The following CPSF7 variants were observed in gnomAD, a reference collection of about 807,000 sequenced individuals.
The protein encoded by CPSF7 is cleavage and polyadenylation specificity factor subunit 7.
A neutral mutation model predicts 44.3 loss-of-function variants in CPSF7; 1 was observed. The ratio of observed to expected loss-of-function variants is 0.02; its 90% confidence interval spans 0.01 to 0.11. The LOEUF is 0.11. CPSF7 is among the 10% of genes least tolerant of loss of function. The probability of loss-of-function intolerance (pLI) is 1.00; values close to 1 mark genes in which losing one functional copy is unlikely to be tolerated. For missense variants in CPSF7, 443 were observed against 607.2 expected, an observed-to-expected ratio of 0.73 and a Z score of 2.84; for synonymous variants, 202 against 222.0, an observed-to-expected ratio of 0.91 and a Z score of 0.80.
chr11:61,413,059 A>G (rs1859994508), intron 7 of CPSF7, among the ~76,000 whole-genome samples: 1 of 152,122 alleles, frequency 6.6e-6, no homozygotes, highest in Non-Finnish European at 1.5e-5. Context: ...GGCTCAAGCC[A>G]TCCTCCTGCA....
rs748876175 is a variant in CPSF7, at chr11:61,420,535, A to C, written c.312T>G (p.Ser104=). The change falls in exon 4 of 10, where the codon TCT becomes TCG. Residue 104 remains serine (S), a synonymous_variant. Coordinates refer to ENST00000439958, the MANE Select transcript of CPSF7 (RefSeq NM_001142565.3). Reference sequence around the variant, plus strand: ...ACTCCACCACATCATAGACTCCTATAGAGCGAATAACCTGGATCAGCTGCT... The same window carrying C: ...ACTCCACCACATCATAGACTCCTATCGAGCGAATAACCTGGATCAGCTGCT... ...TDQQLIQVIR[S]IGVYDVVELK... 1.2e-6 allele frequency: 2 copies of C among 1,614,182 alleles called. No homozygotes were observed. Among genetic ancestry groups the C allele is most frequent in the South Asian group, 2.2e-5 (2 of 91,080 alleles).
chr11:61,428,636 A>G (rs1861631716), intron 2 of CPSF7, among the ~76,000 whole-genome samples: 1 of 152,202 alleles, frequency 6.6e-6, no homozygotes, highest in Non-Finnish European at 1.5e-5. Flanking sequence ...AACCAATACA[A>G]TTTATTATAC....
In CPSF7 at chr11:61,421,413, C is replaced by G; in HGVS notation, c.250G>C (p.Val84Leu). 1 of 1,614,078 alleles carries G rather than the reference C, an allele frequency of 6.2e-7. No individual in the cohort carries two copies. The highest frequency in any genetic ancestry group is 8.5e-7 in the Non-Finnish European group (1 of 1,179,958). Residue 84 changes from valine (V) to leucine (L), a missense_variant, in exon 3 of 10, where the codon GTT (valine) becomes CTT (leucine). By Grantham distance (32) the Val-to-Leu change is conservative. Transcript: ENST00000439958. ...YSGLRNRRAA[V>L]YVGSFSWWTT... ...ACCCAGGAGAAGCTGCCCACATAAACGGCAGCTCGTCTATTACGCAGGCCA... is the reference window on the plus strand; with the variant it reads ...ACCCAGGAGAAGCTGCCCACATAAAGGGCAGCTCGTCTATTACGCAGGCCA...
rs746553918 is a variant in CPSF7, at chr11:61,415,767, G to A, written c.956C>T (p.Pro319Leu). ...NHHGSRDSGP[P>L]PSTVSEAEFE... is the part of the protein sequence containing the mutation. Reference sequence around the variant, plus strand: ...TTCGGCTTCACTCACTGTAGAGGGTGGAGGGCCCGAATCTCGGCTGTACAG... The same window carrying A: ...TTCGGCTTCACTCACTGTAGAGGGTAGAGGGCCCGAATCTCGGCTGTACAG... The change falls in exon 7 of 10, where the codon CCA (proline) becomes CTA (leucine). Residue 319 changes from proline (P) to leucine (L), a missense_variant. Transcript: ENST00000439958. The A allele has an allele frequency of 1.9e-6, 3 of 1,612,672 alleles. No homozygotes were observed. The highest frequency in any genetic ancestry group is 1.1e-5 in the South Asian group (1 of 91,048).
At chr11:61,428,733 G>A (rs372932449) in intron 2 of CPSF7, among the ~76,000 whole-genome samples, 23 of 152,352 alleles carry the variant, frequency 1.5e-4, no homozygotes, top group Middle Eastern at 3.4e-3. Flanking sequence ...GAAACTAAAT[G>A]TTAAAGTCAT....
At chr11:61,428,454 G>A (rs1281696440) in intron 2 of CPSF7, among the ~76,000 whole-genome samples, 1 of 152,172 alleles carries the variant, frequency 6.6e-6, no homozygotes, top group East Asian at 1.9e-4. Context: ...CAGAGCAGCT[G>A]AGATTACAGT....
In CPSF7 at chr11:61,402,807, G is replaced by C. The variant is rs1001769431; in HGVS notation, c.*1903C>G. ...CAAATCACCGACAACAGGGGGACGG[G>C]ACCTTGGCCTTTTTGAGGGATGGGT... On this transcript the variant is annotated 3_prime_UTR_variant, in exon 10 of 10. Transcript: ENST00000439958. 1.3e-5 allele frequency: 2 copies of C among 152,536 alleles called. No individual in the cohort carries two copies. The highest frequency in any genetic ancestry group is 2.4e-5 in the African/African-American group (1 of 41,404). The allele number at this position is 152,536 out of a possible 1,614,324, so 9.4% of individuals were successfully genotyped here.
chr11:61,410,085 G>T (rs1458526828), intron 9 of CPSF7, among the ~76,000 whole-genome samples: 1 of 151,592 alleles, frequency 6.6e-6, no homozygotes, highest in Admixed American at 6.6e-5. Flanking sequence ...ACAGGCATGA[G>T]GCACCCACCC....
At chr11:61,419,893 C>A (rs370535995) in intron 5 of CPSF7, 56 bp downstream of exon 5, 2 of 1,594,696 alleles carry the variant, frequency 1.3e-6, no homozygotes, top group South Asian at 2.3e-5. Context: ...CACAAACACC[C>A]CCCCCTCATA....
chr11:61,421,631 A>AGGT (rs1210671704), intron 2 of CPSF7, 23 bp from the exon 3 acceptor site: 1 of 1,553,722 alleles, frequency 6.4e-7, no homozygotes, highest in South Asian at 1.1e-5. Context: ...GGGTTGGCAA[A>AGGT]GGTAGGTCTG....
At chr11:61,416,640 G>T in intron 5 of CPSF7, 121 bp from the exon 6 acceptor site, 1 of 1,036,418 alleles carries the variant, frequency 9.6e-7, no homozygotes, top group Non-Finnish European at 1.4e-6. Context: ...GGCTGAGAAG[G>T]TAAAATCATC....
At chr11:61,411,241 T>C in intron 8 of CPSF7, 136 bp from the exon 9 acceptor site, 1 of 869,258 alleles carries the variant, frequency 1.2e-6, no homozygotes, top group Non-Finnish European at 1.7e-6. Flanking sequence ...CTGAGGATTT[T>C]AGCTCTTTGA....
chr11:61,429,656 G>A (rs903068038), intron 1 of CPSF7: 18 of 1,356,070 alleles, frequency 1.3e-5, no homozygotes, highest in Middle Eastern at 2.1e-4. Context: ...GGCGGCTCCG[G>A]CCAGAGCCCC....
chr11:61,411,119 C>A lies in CPSF7; in HGVS notation c.1227-14G>T. 1 of 1,596,660 alleles carries A rather than the reference C, an allele frequency of 6.3e-7. No homozygotes were observed. ...CGATGTCTTTTCCTATTAGAAAGATCCTTCAGCCTCACTCAGAAGGCCTAC... is the reference window on the plus strand; with the variant it reads ...CGATGTCTTTTCCTATTAGAAAGATACTTCAGCCTCACTCAGAAGGCCTAC... On this transcript the variant is annotated splice_polypyrimidine_tract_variant and intron_variant, in intron 8 of 9. Transcript: ENST00000439958.
chr11:61,416,144 G>A lies in CPSF7; in HGVS notation c.899C>T (p.Thr300Ile), dbSNP rs1177728514. 3 of 1,510,464 alleles carry A rather than the reference G, an allele frequency of 2.0e-6. No homozygotes were observed. Among genetic ancestry groups the A allele is most frequent in the Non-Finnish European group, 2.7e-6 (3 of 1,131,418 alleles). 93.6% of individuals were successfully genotyped at this position (1,510,464 alleles called of 1,614,324 possible). The change falls in exon 6 of 10, where the codon ACT becomes ATT. Residue 300 changes from threonine (T) to isoleucine (I), a missense_variant. Thr to Ile is a moderately conservative substitution (Grantham distance 89). Transcript: ENST00000439958. ...ATAGGGGGCAGAGGCCTTCATGTAA[G>A]TATCTGGTGGAGGCCCCACTGTAGC... ...PNATVGPPPD[T>I]YMKASAPYNH...
At chr11:61,412,754 C>T (rs1193800625) in intron 7 of CPSF7, among the ~76,000 whole-genome samples, 1 of 152,098 alleles carries the variant, frequency 6.6e-6, no homozygotes, top group African/African-American at 2.4e-5. Context: ...GTGCCAGGCA[C>T]ACAGTAAGGA....
intron 9 of CPSF7, among the ~76,000 whole-genome samples, chr11:61,409,110 A>C (rs1242461770): frequency 6.6e-6 from 1 of 151,948 alleles, no homozygotes; most frequent in African/African-American, 2.4e-5. Flanking sequence ...ATGACAGTGC[A>C]CTCCAGCCTG....
At chr11:61,429,327 C>G (rs751816649) in intron 1 of CPSF7, 37 bp from the exon 2 acceptor site, 2 of 1,260,358 alleles carry the variant, frequency 1.6e-6, no homozygotes, top group Admixed American at 1.7e-5. Context: ...TTAGAAGGCA[C>G]GAGGGTCCTG....
intron 8 of CPSF7, 69 bp downstream of exon 8, chr11:61,411,700 G>T: frequency 2.1e-6 from 3 of 1,417,642 alleles, no homozygotes; most frequent in East Asian, 2.3e-5. Flanking sequence ...GGCTCCATTT[G>T]TCCCCACTCC....
Sources: allele counts gnomAD v4.1 joint callset (sites outside exome capture counted in the v4.1 genomes callset), GRCh38; gene constraint gnomAD v4.1.1; transcripts MANE v1.5; gene names NCBI Gene and HGNC (gene_info 2026-07-23, HGNC 2026-07-21).